Variants in ZDHHC11B observed in about 807,000 individuals in gnomAD.
ZDHHC11B encodes probable palmitoyltransferase ZDHHC11B.
In ZDHHC11B, 17 loss-of-function variants were observed where a neutral mutation model predicts 42.3. The ratio of observed to expected loss-of-function variants is 0.40; its 90% CI spans 0.27 to 0.60. The LOEUF is 0.60. ZDHHC11B is among the 20% of genes least tolerant of loss of function. ZDHHC11B has a pLI of 0.41. For synonymous variants in ZDHHC11B, 123 were observed against 193.5 expected (o/e 0.64, Z 3.02); for missense variants, 262 against 463.2 (o/e 0.57, Z 3.99).
At chr5:778,709 T>G (rs1325473180) in intron 1 of ZDHHC11B, among the ~76,000 whole-genome samples, 1 of 151,870 alleles carries the variant, frequency 6.6e-6, no homozygotes, top group African/African-American at 2.4e-5. Flanking sequence ...GATCTGGAAA[T>G]GAGATCATCT....
chr5:711,400 CT>C lies in ZDHHC11B; in HGVS notation c.*889del, dbSNP rs1741361362. 6.4e-6 allele frequency: 1 copy of C among 155,832 alleles called. No individual in the cohort carries two copies. Among genetic ancestry groups the C allele is most frequent in the Non-Finnish European group, 1.4e-5 (1 of 70,032 alleles). 9.7% of individuals were successfully genotyped at this position (155,832 alleles called of 1,614,324 possible). ...TGAGCTCCCATTTCCTAGTACTGTG[CT>C]CCCATTTCCCAGTGCTGTGCTCCCA... On this transcript the variant is annotated 3_prime_UTR_variant, in exon 14 of 14. Transcript: ENST00000508859.
At chr5:735,733 T>A (rs1470779210) in intron 10 of ZDHHC11B, among the ~76,000 whole-genome samples, 1 of 148,960 alleles carries the variant, frequency 6.7e-6, no homozygotes, top group African/African-American at 2.5e-5. Flanking sequence ...CTAAATGAAG[T>A]AGAAAAAATG....
intron 4 of ZDHHC11B, among the ~76,000 whole-genome samples, chr5:761,779 C>T (rs1734644905): frequency 6.8e-6 from 1 of 148,110 alleles, no homozygotes; most frequent in Non-Finnish European, 1.5e-5. Context: ...TTCCCTAAAT[C>T]CCTTAGGATT....
intron 12 of ZDHHC11B, among the ~76,000 whole-genome samples, chr5:724,595 C>G (rs1218435418): frequency 3.5e-5 from 5 of 141,094 alleles, no homozygotes; most frequent in African/African-American, 1.4e-4. Flanking sequence ...CCAGGACAGT[C>G]TTGATCTCCT....
chr5:727,782 A>C (rs1300340870), intron 12 of ZDHHC11B, among the ~76,000 whole-genome samples: 3 of 148,168 alleles, frequency 2.0e-5, no homozygotes, highest in Non-Finnish European at 4.5e-5. Flanking sequence ...ATGCAAAAAT[A>C]AGTTGAAGAT....
intron 4 of ZDHHC11B, among the ~76,000 whole-genome samples, chr5:757,264 C>T (rs1226330165): frequency 5.9e-5 from 9 of 151,946 alleles, no homozygotes; most frequent in African/African-American, 2.2e-4. Flanking sequence ...GGCATGGAAA[C>T]GCAGGCTGCC....
At chr5:779,093 C>T (rs1220052039) in intron 1 of ZDHHC11B, among the ~76,000 whole-genome samples, 2 of 151,352 alleles carry the variant, frequency 1.3e-5, no homozygotes, top group African/African-American at 4.9e-5. Flanking sequence ...TCATAAATTA[C>T]CATGCCTGGT....
intron 12 of ZDHHC11B, among the ~76,000 whole-genome samples, chr5:728,926 C>A (rs429934): frequency 6.6e-6 from 1 of 151,188 alleles, no homozygotes; most frequent in African/African-American, 2.4e-5. Flanking sequence ...GGTGGGTGGA[C>A]TGCAAGAATC....
intron 11 of ZDHHC11B, among the ~76,000 whole-genome samples, chr5:731,461 C>G (rs1313346565): frequency 7.3e-5 from 11 of 149,828 alleles, no homozygotes; most frequent in African/African-American, 2.7e-4. Flanking sequence ...TGGTGGTTCC[C>G]TGGTGGCAAA....
chr5:772,905 T>C (rs1033462620), intron 1 of ZDHHC11B, among the ~76,000 whole-genome samples: 4 of 151,914 alleles, frequency 2.6e-5, no homozygotes, highest in African/African-American at 9.7e-5. Context: ...ACCTCAAACA[T>C]GTATTAGTTT....
At chr5:732,659 G>A (rs1321588085) in intron 11 of ZDHHC11B, 9 of 451,316 alleles carry the variant, frequency 2.0e-5, no homozygotes, top group Non-Finnish European at 3.6e-5. Flanking sequence ...GTGCGGTGAG[G>A]CGGCCCTGCC....
chr5:784,642 CA>C (rs1737124097), intron 1 of ZDHHC11B, among the ~76,000 whole-genome samples, 25 bp downstream of exon 1: 2 of 151,334 alleles, frequency 1.3e-5, no homozygotes, highest in African/African-American at 4.8e-5. Flanking sequence ...GCCGCGCCCG[CA>C]GGACCGAGCC....
chr5:730,991 C>T lies in ZDHHC11B; in HGVS notation c.1024-523G>A, dbSNP rs1351738201. ...GAAAATACATTTCTTGTTCCAACGCCCCATGTGTGGTTCCTGCTTGTGGAA... is the reference window on the plus strand; with the variant it reads ...GAAAATACATTTCTTGTTCCAACGCTCCATGTGTGGTTCCTGCTTGTGGAA... On this transcript the variant is annotated intron_variant, in intron 11 of 13. Transcript: ENST00000508859. Among the ~76,000 whole-genome samples the T allele has an allele frequency of 3.9e-5, 6 of 151,962 alleles. 1 individual carries two copies. The highest frequency in any genetic ancestry group is 3.3e-4 in the Admixed American group (5 of 15,254).
intron 12 of ZDHHC11B, among the ~76,000 whole-genome samples, chr5:727,183 C>T (rs1441446975): frequency 5.9e-5 from 8 of 135,184 alleles, no homozygotes; most frequent in Non-Finnish European, 6.5e-5. Context: ...CTGGAGAACC[C>T]GGCTGGCCTT....
intron 1 of ZDHHC11B, among the ~76,000 whole-genome samples, chr5:783,440 G>A (rs1347926734): frequency 6.6e-6 from 1 of 152,210 alleles, no homozygotes; most frequent in African/African-American, 2.4e-5. Flanking sequence ...GCAGGGGCTG[G>A]CTGGGCGTGG....
rs755038237 is a variant in ZDHHC11B at position 756,119 on chromosome 5, T to C, written c.248A>G (p.His83Arg). The change falls in exon 5 of 14, where the codon CAC becomes CGC. Residue 83 changes from histidine (H) to arginine (R), a missense_variant. Coordinates refer to ENST00000508859, the MANE Select transcript of ZDHHC11B (RefSeq NM_001351303.2). ...YVVTGGIFSF[H>R]LVVHLIASCI... ...GGACGCGATCAGGTGGACGACGAGG[T>C]GGAACGAGAAGATCCCCCCGGTCAC... 167 of 1,431,134 alleles carry C rather than the reference T, an allele frequency of 1.2e-4. 1 individual carries two copies. Among genetic ancestry groups the C allele is most frequent in the Non-Finnish European group, 1.4e-4 (151 of 1,079,630 alleles). 88.7% of individuals were successfully genotyped at this position (1,431,134 alleles called of 1,614,324 possible).
intron 1 of ZDHHC11B, among the ~76,000 whole-genome samples, chr5:780,103 G>A (rs1197563277): frequency 1.3e-5 from 2 of 148,826 alleles, no homozygotes; most frequent in African/African-American, 2.5e-5. Flanking sequence ...AAGGCTGACA[G>A]TGGCTAGTGC....
chr5:760,255 C>A lies in ZDHHC11B; in HGVS notation c.223-4111G>T, dbSNP rs199748035. On this transcript the variant is annotated intron_variant, in intron 4 of 13. Coordinates refer to ENST00000508859, the MANE Select transcript of ZDHHC11B (RefSeq NM_001351303.2). ...GGTCCAAGCCCTAACCCGCAGCACC[C>A]GTGGATGTGACCTCGCTTGGAAATA... Among the ~76,000 whole-genome samples the A allele has an allele frequency of 6.6e-3, 1,003 of 151,362 alleles. 1 individual carries two copies. The East Asian group carries it at 0.13, about 20-fold the overall frequency.
chr5:784,237 C>A (rs1321156965), intron 1 of ZDHHC11B, among the ~76,000 whole-genome samples: 2 of 151,644 alleles, frequency 1.3e-5, no homozygotes, highest in South Asian at 2.1e-4. Context: ...GCCCTCCACG[C>A]CCTAATTTCC....
Sources: allele counts gnomAD v4.1 joint callset (sites outside exome capture counted in the v4.1 genomes callset), GRCh38; gene constraint gnomAD v4.1.1; transcripts MANE v1.5; gene names NCBI Gene and HGNC (gene_info 2026-07-23, HGNC 2026-07-21).